The following NKAIN2 variants were observed in gnomAD, a reference collection of about 807,000 sequenced individuals.
NKAIN2 encodes sodium/potassium-transporting ATPase subunit beta-1-interacting protein 2.
A neutral mutation model predicts 32.6 loss-of-function variants in NKAIN2; 14 were observed. The ratio of observed to expected loss-of-function variants is 0.43; its 90% CI spans 0.28 to 0.67. The LOEUF (loss-of-function observed/expected upper bound fraction) is 0.67. Among genes scored for constraint, NKAIN2 ranks in the 30% least tolerant of loss-of-function variants. The pLI, the probability that NKAIN2 is intolerant of heterozygous loss-of-function variation, is 0.17. For missense variants in NKAIN2, 198 were observed against 258.3 expected (o/e 0.77, Z 1.60); for synonymous variants, 80 against 87.2 (o/e 0.92, Z 0.46).
chr6:123,997,630 G>C (rs1779684479), intron 1 of NKAIN2, among the ~76,000 whole-genome samples: 1 of 126,368 alleles, frequency 7.9e-6, no homozygotes, highest in Non-Finnish European at 1.6e-5. Flanking sequence ...TTGAGACAGA[G>C]TCTCGCTCTG....
intron 2 of NKAIN2, among the ~76,000 whole-genome samples, chr6:124,350,960 G>A (rs1407939522): frequency 1.3e-5 from 2 of 152,092 alleles, no homozygotes; most frequent in Admixed American, 6.6e-5. Context: ...CTGCACTCCA[G>A]CCTTGGCAAC....
At chr6:123,863,595 C>G (rs976066292) in intron 1 of NKAIN2, among the ~76,000 whole-genome samples, 9 of 152,228 alleles carry the variant, frequency 5.9e-5, no homozygotes, top group African/African-American at 2.2e-4. Flanking sequence ...TGATAATTGG[C>G]AGGAAAGATG....
At chr6:124,508,634 C>CACCT (rs1778589901) in intron 3 of NKAIN2, among the ~76,000 whole-genome samples, 18 of 152,158 alleles carry the variant, frequency 1.2e-4, no homozygotes, top group Admixed American at 1.2e-3. Context: ...TGAGCCACCA[C>CACCT]GCCTGGCCAT....
chr6:123,934,181 T>G (rs1582804201), intron 1 of NKAIN2, among the ~76,000 whole-genome samples: 1 of 152,172 alleles, frequency 6.6e-6, no homozygotes, highest in Non-Finnish European at 1.5e-5. Flanking sequence ...TAGAAGATCT[T>G]TATAATCAAT....
chr6:124,761,203 A>C (rs1778247705), intron 4 of NKAIN2, among the ~76,000 whole-genome samples: 1 of 152,172 alleles, frequency 6.6e-6, no homozygotes, highest in Non-Finnish European at 1.5e-5. Flanking sequence ...TATTAATTAT[A>C]GTATGTGCTA....
chr6:124,272,217 C>T (rs548063314), intron 1 of NKAIN2, among the ~76,000 whole-genome samples: 95 of 152,298 alleles, frequency 6.2e-4, no homozygotes, highest in African/African-American at 1.7e-3. Context: ...GAGGTCTTTA[C>T]GCAGCCCTCC....
rs989424056 is a variant in NKAIN2, at chr6:123,849,974, T to G, written c.54+45720T>G. On this transcript the variant is annotated intron_variant, in intron 1 of 6. Transcript: ENST00000368417. ...GTTTTTTTTTTTTGTTTGTTTGTTT[T>G]TTTTTTAACTTTCTGTGGAGATGAG... 6.8e-5 allele frequency among the ~76,000 whole-genome samples: 10 copies of G among 146,428 alleles called. 1 individual carries two copies. The highest frequency in any genetic ancestry group is 2.3e-4 in the African/African-American group (9 of 39,542).
intron 5 of NKAIN2, among the ~76,000 whole-genome samples, chr6:124,814,125 G>T (rs1270480522): frequency 6.6e-6 from 1 of 152,124 alleles, no homozygotes; most frequent in Non-Finnish European, 1.5e-5. Context: ...TCCATATGTG[G>T]TTGAAGAACC....
chr6:124,391,820 C>A (rs1410971023), intron 3 of NKAIN2, among the ~76,000 whole-genome samples: 2 of 152,128 alleles, frequency 1.3e-5, no homozygotes, highest in South Asian at 2.1e-4. Context: ...AACTCTTCGA[C>A]TTCCCTGTCC....
chr6:123,841,788 G>C (rs1379537571), intron 1 of NKAIN2, among the ~76,000 whole-genome samples: 1 of 152,096 alleles, frequency 6.6e-6, no homozygotes, highest in East Asian at 1.9e-4. Context: ...AACCAACAAA[G>C]CTAACAGTAG....
intron 1 of NKAIN2, among the ~76,000 whole-genome samples, chr6:124,278,460 A>G (rs1795137362): frequency 6.6e-6 from 1 of 151,830 alleles, no homozygotes; most frequent in Admixed American, 6.6e-5. Flanking sequence ...AGCACTTATC[A>G]CAAAGGTTTT....
intron 3 of NKAIN2, among the ~76,000 whole-genome samples, chr6:124,597,646 T>C (rs1782144490): frequency 6.6e-6 from 1 of 152,120 alleles, no homozygotes; most frequent in Non-Finnish European, 1.5e-5. Context: ...AAGAAAGTTA[T>C]AGGATTCTTT....
chr6:124,028,448 G>T (rs886908805), intron 1 of NKAIN2, among the ~76,000 whole-genome samples: 3 of 150,396 alleles, frequency 2.0e-5, no homozygotes, highest in African/African-American at 7.3e-5. Context: ...GCTAAATGAC[G>T]AGTTAATGGG....
chr6:124,446,168 C>T (rs1038088046), intron 3 of NKAIN2, among the ~76,000 whole-genome samples: 3 of 152,056 alleles, frequency 2.0e-5, no homozygotes, highest in African/African-American at 7.2e-5. Flanking sequence ...GCAAACACTA[C>T]ATTATTGCTT....
At chr6:124,223,842 A>G (rs1373167849) in intron 1 of NKAIN2, among the ~76,000 whole-genome samples, 1 of 152,194 alleles carries the variant, frequency 6.6e-6, no homozygotes, top group Non-Finnish European at 1.5e-5. Flanking sequence ...GCTACATGAC[A>G]AAGACAATGA....
chr6:124,374,903 A>G (rs1314857775), intron 3 of NKAIN2, among the ~76,000 whole-genome samples: 1 of 152,116 alleles, frequency 6.6e-6, no homozygotes, highest in Non-Finnish European at 1.5e-5. Context: ...ATTTAACACA[A>G]TGGCATGCAA....
intron 1 of NKAIN2, among the ~76,000 whole-genome samples, chr6:124,187,296 C>T (rs373922759): frequency 2.0e-5 from 3 of 152,114 alleles, no homozygotes; most frequent in South Asian, 2.1e-4. Context: ...CATTCAAAGA[C>T]GACTCAGAAA....
At chr6:123,844,883 G>T (rs2114943028) in intron 1 of NKAIN2, among the ~76,000 whole-genome samples, 1 of 152,262 alleles carries the variant, frequency 6.6e-6, no homozygotes, top group East Asian at 1.9e-4. Flanking sequence ...GATTTGAGGA[G>T]ATTTGCTATT....
At chr6:124,171,876 T>G (rs1562400334) in intron 1 of NKAIN2, among the ~76,000 whole-genome samples, 1 of 143,550 alleles carries the variant, frequency 7.0e-6, no homozygotes, top group Non-Finnish European at 1.5e-5. Flanking sequence ...AGAGAGAGTC[T>G]CGCTCTGTCG....
Sources: allele counts gnomAD v4.1 joint callset (sites outside exome capture counted in the v4.1 genomes callset), GRCh38; gene constraint gnomAD v4.1.1; transcripts MANE v1.5; gene names NCBI Gene and HGNC (gene_info 2026-07-23, HGNC 2026-07-21).